ATAD2B: variants seen among roughly 807,000 people sequenced by gnomAD.
ATAD2B encodes ATPase family AAA domain-containing protein 2B.
In ATAD2B, 40 loss-of-function variants were observed where a neutral mutation model predicts 167.6. The observed-to-expected ratio is 0.24, with a 90% CI of 0.19 to 0.31. ATAD2B has a LOEUF of 0.31. Among genes scored for constraint, ATAD2B ranks in the 10% least tolerant of loss-of-function variants. The probability of loss-of-function intolerance (pLI) is 1.00; values close to 1 mark genes in which losing one functional copy is unlikely to be tolerated. For missense variants in ATAD2B, 1,242 were observed against 1,757.2 expected, an observed-to-expected ratio of 0.71 and a Z score of 5.24; for synonymous variants, 579 against 596.5, an observed-to-expected ratio of 0.97 and a Z score of 0.43.
intron 18 of ATAD2B, chr2:23,806,253 A>G (rs1338808144): frequency 6.6e-6 from 1 of 152,144 alleles, no homozygotes; most frequent in Non-Finnish European, 1.5e-5. Flanking sequence ...AGGAAATCCC[A>G]GTTTTATTTG....
chr2:23,822,504 C>T (rs1346330249), intron 16 of ATAD2B, among the ~76,000 whole-genome samples: 1 of 151,272 alleles, frequency 6.6e-6, no homozygotes, highest in African/African-American at 2.4e-5. Context: ...AAGATCAGGC[C>T]ACTGCATTCC....
chr2:23,721,373 G>A, the ATAD2B span, among the ~76,000 whole-genome samples: 1 of 151,910 alleles, frequency 6.6e-6, no homozygotes, highest in African/African-American at 2.4e-5. Flanking sequence ...GCCCATACCC[G>A]GGACTGAAAA....
intron 12 of ATAD2B, among the ~76,000 whole-genome samples, chr2:23,862,259 A>G (rs1055212630): frequency 3.3e-5 from 5 of 152,116 alleles, no homozygotes; most frequent in African/African-American, 1.2e-4. Flanking sequence ...ACACCATCTC[A>G]GTAATGGGTG....
intron 1 of ATAD2B, among the ~76,000 whole-genome samples, chr2:23,925,244 A>G (rs186517731): frequency 1.3e-5 from 2 of 152,350 alleles, no homozygotes; most frequent in East Asian, 3.9e-4. Context: ...GAGAGCTGTA[A>G]GCCCCCAAAA....
Position 23,788,516 on chromosome 2 carries a change from A to G in ATAD2B, c.2772T>C (p.His924=), listed in dbSNP as rs1434503105. 6.2e-7 allele frequency: 1 copy of G among 1,612,636 alleles called. No individual in the cohort carries two copies. Among genetic ancestry groups the G allele is most frequent in the Admixed American group, 1.7e-5 (1 of 59,910 alleles). The change falls in exon 20 of 28, where the codon CAT becomes CAC. Residue 924 remains histidine (H), a synonymous_variant. Coordinates refer to ENST00000238789, the MANE Select transcript of ATAD2B (RefSeq NM_017552.4). ...TAAAGGCTTTACAAACTTTACCAGC[A>G]TGTTTCCTTCGTGGTGGAGCCATTG... is the stretch of plus-strand genomic sequence containing the variant. ...QASMAPPRRK[H]AALCAMEVLP... is the part of the protein sequence containing the mutation.
chr2:23,867,900 G>A lies in ATAD2B; in HGVS notation c.1123C>T (p.Leu375Phe), dbSNP rs1695383799. The A allele has an allele frequency of 6.2e-7, 1 of 1,613,798 alleles. No homozygotes were observed. Among genetic ancestry groups the A allele is most frequent in the Non-Finnish European group, 8.5e-7 (1 of 1,179,800 alleles). Residue 375 changes from leucine to phenylalanine, a missense_variant, in exon 10 of 28, where the codon CTC becomes TTC. By Grantham distance (22) the Leu-to-Phe change is conservative. This residue lies in a region of ATAD2B where 127 missense variants were observed against 146.3 expected (regional missense o/e 0.87). Transcript: ENST00000238789. Reference sequence around the variant, plus strand: ...GCACCCACTTTCACTCGTTCTCGGAGAATACCGCTAGCTAAGTCCTCTGCT... The same window carrying A: ...GCACCCACTTTCACTCGTTCTCGGAAAATACCGCTAGCTAAGTCCTCTGCT... ...FRAEDLASGI[L>F]RERVKVGASL...
rs924998091 is a variant in ATAD2B, at chr2:23,751,625, GA to G, written c.*420del. 47 of 163,158 alleles carry G rather than the reference GA, an allele frequency of 2.9e-4. No individual in the cohort carries two copies. Among genetic ancestry groups the G allele is most frequent in the African/African-American group, 6.8e-4 (28 of 41,322 alleles). 10.1% of individuals were successfully genotyped at this position (163,158 alleles called of 1,614,324 possible). A position where few individuals can be genotyped will look rare whatever the true frequency, so the allele number is the denominator to read the frequency against. On this transcript the variant is annotated 3_prime_UTR_variant, in exon 28 of 28. Transcript: ENST00000238789. ...ATATGATTAAAGGGGTAAAATGGAG[GA>G]AAAAAAAATAACAAGTTGCCCACTG...
At chr2:23,738,218 G>C in the ATAD2B span, among the ~76,000 whole-genome samples, 1 of 152,214 alleles carries the variant, frequency 6.6e-6, no homozygotes, top group South Asian at 2.1e-4. Flanking sequence ...GATAGTCCTT[G>C]AGAAGAGCAA....
At chr2:23,793,020 T>C (rs1031368433) in intron 19 of ATAD2B, among the ~76,000 whole-genome samples, 1 of 150,466 alleles carries the variant, frequency 6.6e-6, no homozygotes, top group East Asian at 1.9e-4. Context: ...TCTTAAATTT[T>C]AAGAATCACG....
chr2:23,705,424 G>A, the ATAD2B span, among the ~76,000 whole-genome samples: 6 of 152,176 alleles, frequency 3.9e-5, no homozygotes, highest in South Asian at 2.1e-4. Context: ...CCTGGGAGGC[G>A]GAGGTTGCAG....
the ATAD2B span, among the ~76,000 whole-genome samples, chr2:23,740,080 C>G: frequency 5.9e-5 from 9 of 152,044 alleles, no homozygotes; most frequent in Non-Finnish European, 1.0e-4. Context: ...ACCAAAAAAA[C>G]TCCAGGACCA....
chr2:23,706,915 G>A, the ATAD2B span: 1 of 410,880 alleles, frequency 2.4e-6, no homozygotes, highest in Middle Eastern at 6.2e-4. Flanking sequence ...CCTGAACAGG[G>A]GCGCTCGCTC....
At chr2:23,832,191 T>G (rs1401542653) in intron 14 of ATAD2B, 1 of 469,046 alleles carries the variant, frequency 2.1e-6, no homozygotes, top group Non-Finnish European at 4.4e-6. Flanking sequence ...CCCCACTGTC[T>G]TTAGTTTTCC....
chr2:23,784,778 G>C (rs934237270), intron 21 of ATAD2B, among the ~76,000 whole-genome samples: 2 of 151,922 alleles, frequency 1.3e-5, no homozygotes, highest in African/African-American at 2.4e-5. Context: ...CACTATGGGG[G>C]GGGGGATGAC....
At chr2:23,892,973 C>A (rs1430988183) in intron 2 of ATAD2B, among the ~76,000 whole-genome samples, 2 of 152,110 alleles carry the variant, frequency 1.3e-5, no homozygotes, top group African/African-American at 4.8e-5. Context: ...TTGGGAATTT[C>A]TATATACAAT....
chr2:23,910,236 T>A (rs1702090593), intron 1 of ATAD2B, among the ~76,000 whole-genome samples: 1 of 147,000 alleles, frequency 6.8e-6, no homozygotes, highest in Non-Finnish European at 1.5e-5. Context: ...TGGAGTGCAA[T>A]GGCGCGATCT....
intron 14 of ATAD2B, among the ~76,000 whole-genome samples, chr2:23,833,422 C>T (rs1689390757): frequency 6.6e-6 from 1 of 151,940 alleles, no homozygotes; most frequent in African/African-American, 2.4e-5. Flanking sequence ...ATAACATTTA[C>T]AGAATCAATG....
At chr2:23,761,815 A>G (rs961734322) in intron 24 of ATAD2B, among the ~76,000 whole-genome samples, 1 of 152,224 alleles carries the variant, frequency 6.6e-6, no homozygotes, top group Non-Finnish European at 1.5e-5. Flanking sequence ...TCCTGTTGCC[A>G]GATCAGACAC....
intron 19 of ATAD2B, among the ~76,000 whole-genome samples, chr2:23,796,504 T>A (rs1363410939): frequency 6.6e-6 from 1 of 152,196 alleles, no homozygotes; most frequent in African/African-American, 2.4e-5. Flanking sequence ...ATCAAGAAGT[T>A]AGGCTCATCA....
Sources: allele counts gnomAD v4.1 joint callset (sites outside exome capture counted in the v4.1 genomes callset), GRCh38; gene constraint gnomAD v4.1.1; regional missense constraint gnomAD v4.1.1; transcripts MANE v1.5; gene names NCBI Gene and HGNC (gene_info 2026-07-23, HGNC 2026-07-21).